STK32B: variants seen among roughly 807,000 people sequenced by gnomAD.
STK32B encodes serine/threonine-protein kinase 32B.
Under a neutral mutation model 52.6 loss-of-function variants are expected in STK32B, and 43 were observed. That is an observed-to-expected ratio of 0.82 (90% CI 0.64 to 1.05). The LOEUF is 1.05. STK32B is among the 50% of genes least tolerant of loss of function. The probability of loss-of-function intolerance (pLI) is 0.00; values close to 1 mark genes in which losing one functional copy is unlikely to be tolerated. For synonymous variants in STK32B, 238 were observed against 204.3 expected (o/e 1.17, Z -1.41); for missense variants, 621 against 534.6 (o/e 1.16, Z -1.59).
At chr4:5,205,873 AG>A (rs1307507733) in intron 3 of STK32B, among the ~76,000 whole-genome samples, 2 of 152,140 alleles carry the variant, frequency 1.3e-5, no homozygotes, top group Non-Finnish European at 2.9e-5. Flanking sequence ...CTTGCATCTC[AG>A]GTTACTGGGA....
rs913967707 is a variant in STK32B at position 5,378,698 on chromosome 4, G to A, written c.435-19509G>A. ...ACATGCAGTGTGAAATAAGCACATC[G>A]TGGAGAATGGACTCTGCATTTTAGT... is the stretch of plus-strand genomic sequence containing the variant. On this transcript the variant is annotated intron_variant, in intron 4 of 11. Coordinates refer to ENST00000282908, the MANE Select transcript of STK32B (RefSeq NM_018401.3). This position sits in a 1 kb window ranked among gnomAD's most constrained non-coding sequence, Gnocchi z 4.4. Among the ~76,000 whole-genome samples the A allele has an allele frequency of 5.3e-5, 8 of 152,114 alleles. No individual in the cohort carries two copies. The highest frequency in any genetic ancestry group is 9.7e-5 in the African/African-American group (4 of 41,418).
intron 3 of STK32B, among the ~76,000 whole-genome samples, chr4:5,314,777 C>G (rs181072961): frequency 6.6e-6 from 1 of 152,024 alleles, no homozygotes; most frequent in African/African-American, 2.4e-5. Context: ...GTCACATAGC[C>G]AACAAAGTAG....
At chr4:5,079,057 C>A (rs1489518117) in intron 1 of STK32B, among the ~76,000 whole-genome samples, 1 of 152,288 alleles carries the variant, frequency 6.6e-6, no homozygotes, top group African/African-American at 2.4e-5. Flanking sequence ...TATGCCTTAG[C>A]AATTCCTCTC....
At position 5,380,385 on chromosome 4, in the gene STK32B, A is replaced by G. The variant is rs28572690; in HGVS notation, c.435-17822A>G. ...GCCAGGCTTCTGCATTTAAAATTAT[A>G]CTATGAAATAGAAGAGCATTACTCT... On this transcript the variant is annotated intron_variant, in intron 4 of 11. Transcript: ENST00000282908. The surrounding 1 kb of genome is among the most constrained non-coding windows in gnomAD (Gnocchi z 4.3). 1.0e-3 allele frequency among the ~76,000 whole-genome samples: 156 copies of G among 152,248 alleles called. 1 individual carries two copies. Among genetic ancestry groups the G allele is most frequent in the African/African-American group, 3.5e-3 (147 of 41,544 alleles).
intron 6 of STK32B, among the ~76,000 whole-genome samples, chr4:5,424,596 C>T (rs1712928316): frequency 1.3e-5 from 2 of 152,190 alleles, no homozygotes; most frequent in African/African-American, 4.8e-5. Context: ...CAGACATCTG[C>T]ACAATCTGCC....
At chr4:5,242,445 G>T (rs1249331163) in intron 3 of STK32B, among the ~76,000 whole-genome samples, 13 of 151,894 alleles carry the variant, frequency 8.6e-5, no homozygotes, top group South Asian at 4.2e-4. Context: ...TCCTGTAAAT[G>T]TGTTTGAGTT....
chr4:5,404,936 G>A (rs1047776021), intron 5 of STK32B, among the ~76,000 whole-genome samples: 4 of 142,392 alleles, frequency 2.8e-5, no homozygotes, highest in South Asian at 2.3e-4. Flanking sequence ...GTGCCATCTC[G>A]GCTCACTGCA....
chr4:5,423,291 G>T (rs1712799349), intron 6 of STK32B, among the ~76,000 whole-genome samples: 1 of 152,084 alleles, frequency 6.6e-6, no homozygotes, highest in Non-Finnish European at 1.5e-5. Context: ...GTGAACCTGG[G>T]TGATTCTCAT....
At chr4:5,089,432 C>T (rs547460074) in intron 1 of STK32B, among the ~76,000 whole-genome samples, 18 of 152,178 alleles carry the variant, frequency 1.2e-4, no homozygotes, top group East Asian at 5.8e-4. Flanking sequence ...TGAGATTATG[C>T]GGTGTTTGAT....
At chr4:5,162,195 T>C (rs1718500096) in intron 2 of STK32B, among the ~76,000 whole-genome samples, 2 of 152,206 alleles carry the variant, frequency 1.3e-5, no homozygotes, top group Admixed American at 1.3e-4. Context: ...CTGGGTTGCC[T>C]GAGCTGCTAA....
At chr4:5,482,511 T>C (rs949064714) in intron 11 of STK32B, among the ~76,000 whole-genome samples, 1 of 152,204 alleles carries the variant, frequency 6.6e-6, no homozygotes. Context: ...TTTCTAGATA[T>C]ACAATCATGT....
intron 6 of STK32B, among the ~76,000 whole-genome samples, chr4:5,442,693 C>G (rs902414007): frequency 3.9e-5 from 6 of 152,188 alleles, no homozygotes; most frequent in African/African-American, 1.4e-4. Context: ...CAGTTTCTTC[C>G]TAGTCTTGAT....
At chr4:5,298,477 C>T (rs1729352291) in intron 3 of STK32B, among the ~76,000 whole-genome samples, 1 of 152,102 alleles carries the variant, frequency 6.6e-6, no homozygotes, top group Admixed American at 6.5e-5. Context: ...TTCAGAGTTG[C>T]CCTGCCCGGT....
At chr4:5,492,269 T>C (rs1457031655) in intron 11 of STK32B, among the ~76,000 whole-genome samples, 2 of 152,186 alleles carry the variant, frequency 1.3e-5, no homozygotes, top group African/African-American at 4.8e-5. Context: ...CAGTGGCTTG[T>C]AGTTCTCCTT....
intron 1 of STK32B, among the ~76,000 whole-genome samples, chr4:5,076,563 T>G (rs1275771981): frequency 1.3e-5 from 2 of 152,174 alleles, no homozygotes; most frequent in African/African-American, 4.8e-5. Flanking sequence ...TGATAAACAT[T>G]TTTTCTACAT....
At chr4:5,086,632 G>A (rs1323684588) in intron 1 of STK32B, among the ~76,000 whole-genome samples, 1 of 151,918 alleles carries the variant, frequency 6.6e-6, no homozygotes, top group Non-Finnish European at 1.5e-5. Flanking sequence ...TCCCTAGTAA[G>A]ATAAACTAAA....
chr4:5,047,339 G>C (rs1317718703), upstream of STK32B, among the ~76,000 whole-genome samples: 2 of 152,008 alleles, frequency 1.3e-5, no homozygotes, highest in African/African-American at 4.8e-5. Flanking sequence ...GGCCTGTTGG[G>C]GGGTGGGGGA....
intron 11 of STK32B, among the ~76,000 whole-genome samples, chr4:5,497,786 T>A (rs1720414151): frequency 6.6e-6 from 1 of 152,130 alleles, no homozygotes; most frequent in Admixed American, 6.6e-5. Context: ...AGGATAACCC[T>A]CAGGACCCTG....
chr4:5,491,833 G>A (rs1349926315), intron 11 of STK32B, among the ~76,000 whole-genome samples: 1 of 152,068 alleles, frequency 6.6e-6, no homozygotes, highest in African/African-American at 2.4e-5. Flanking sequence ...TATTAAATAG[G>A]GAATCCTTTC....
Sources: gnomAD v4.1 joint callset for allele counts (sites outside exome capture counted in the v4.1 genomes callset) on GRCh38, gnomAD v4.1.1 for gene constraint, Gnocchi (gnomAD v3.1) non-coding constraint, MANE v1.5 for transcripts, NCBI Gene and HGNC (gene_info 2026-07-23, HGNC 2026-07-21) for gene names.